The following EXOC6B variants were observed in gnomAD, a reference collection of about 807,000 sequenced individuals.
The protein encoded by EXOC6B is SEC15 homolog B.
EXOC6B carries 54 observed loss-of-function variants against 113.5 expected under a neutral mutation model. The observed-to-expected ratio is 0.48, with a 90% CI of 0.38 to 0.60. The LOEUF is 0.60. Among genes scored for constraint, EXOC6B ranks in the 20% least tolerant of loss-of-function variants. EXOC6B has a pLI of 0.00. For missense variants in EXOC6B, 797 were observed against 977.5 expected (o/e 0.82, Z 2.46); for synonymous variants, 357 against 339.0 (o/e 1.05, Z -0.58).
intron 1 of EXOC6B, among the ~76,000 whole-genome samples, chr2:72,816,880 T>TTC (rs1686277881): frequency 2.0e-5 from 3 of 152,242 alleles, no homozygotes; most frequent in African/African-American, 7.2e-5. Flanking sequence ...AATTGTTGTC[T>TTC]ATTTAACTCA....
At chr2:72,229,351 G>A (rs1681464340) in intron 20 of EXOC6B, among the ~76,000 whole-genome samples, 1 of 152,198 alleles carries the variant, frequency 6.6e-6, no homozygotes, top group South Asian at 2.1e-4. Flanking sequence ...GAAGCAAAGA[G>A]AAGCAGGCGG....
chr2:72,298,638 C>T (rs1404319091), intron 20 of EXOC6B, among the ~76,000 whole-genome samples: 2 of 152,094 alleles, frequency 1.3e-5, no homozygotes, highest in Non-Finnish European at 2.9e-5. Context: ...TGTTCCTTTC[C>T]ATGTTTAGTG....
At chr2:72,311,281 T>C (rs1687169059) in intron 20 of EXOC6B, among the ~76,000 whole-genome samples, 2 of 152,192 alleles carry the variant, frequency 1.3e-5, no homozygotes. Flanking sequence ...CAGGATAAGA[T>C]ATGTTTCCTT....
At chr2:72,434,095 T>G (rs1695711228) in intron 18 of EXOC6B, among the ~76,000 whole-genome samples, 1 of 152,206 alleles carries the variant, frequency 6.6e-6, no homozygotes, top group African/African-American at 2.4e-5. Flanking sequence ...CCTAGCTTAT[T>G]GAGTGTTTTT....
intron 6 of EXOC6B, among the ~76,000 whole-genome samples, chr2:72,649,233 T>C (rs1673978041): frequency 6.6e-6 from 1 of 152,158 alleles, no homozygotes; most frequent in South Asian, 2.1e-4. Flanking sequence ...GGAGTGGGGA[T>C]GGTTAATGGG....
intron 6 of EXOC6B, among the ~76,000 whole-genome samples, chr2:72,609,290 C>G (rs1157201733): frequency 6.6e-6 from 1 of 151,730 alleles, no homozygotes; most frequent in Non-Finnish European, 1.5e-5. Context: ...AATTAGCTGA[C>G]AAAAACTTAA....
intron 20 of EXOC6B, among the ~76,000 whole-genome samples, chr2:72,218,516 A>G (rs1322829900): frequency 6.6e-6 from 1 of 152,130 alleles, no homozygotes; most frequent in Admixed American, 6.5e-5. Context: ...ATTAGTAATG[A>G]TTTATTTCTT....
chr2:72,756,619 A>G (rs1385814411), intron 1 of EXOC6B, among the ~76,000 whole-genome samples: 1 of 152,224 alleles, frequency 6.6e-6, no homozygotes, highest in African/African-American at 2.4e-5. Context: ...AGTAAAAGTA[A>G]GCATTTTTAA....
At chr2:72,670,070 A>T (rs1009713034) in intron 6 of EXOC6B, among the ~76,000 whole-genome samples, 3 of 152,200 alleles carry the variant, frequency 2.0e-5, no homozygotes, top group Admixed American at 1.3e-4. Context: ...AACTCAGAAA[A>T]TTAAGCACCA....
chr2:72,810,380 T>TA (rs1021352592), intron 1 of EXOC6B, among the ~76,000 whole-genome samples: 5 of 142,110 alleles, frequency 3.5e-5, no homozygotes, highest in African/African-American at 1.1e-4. Context: ...AATAAATAAA[T>TA]AAATAAAATA....
chr2:72,460,185 C>A (rs1238679980), intron 18 of EXOC6B, among the ~76,000 whole-genome samples: 3 of 152,090 alleles, frequency 2.0e-5, no homozygotes, highest in African/African-American at 7.2e-5. Context: ...CCCTTCCTTA[C>A]ACCTTATACA....
intron 5 of EXOC6B, among the ~76,000 whole-genome samples, chr2:72,723,502 A>C (rs981461175): frequency 2.6e-5 from 4 of 152,190 alleles, no homozygotes; most frequent in Non-Finnish European, 5.9e-5. Flanking sequence ...GGTTTCTAAA[A>C]TTCTAGGAAG....
intron 1 of EXOC6B, among the ~76,000 whole-genome samples, chr2:72,746,835 C>G (rs1257291894): frequency 6.6e-6 from 1 of 151,956 alleles, no homozygotes; most frequent in Non-Finnish European, 1.5e-5. Context: ...TCTCTTTGAA[C>G]AAGGAAAGCA....
intron 20 of EXOC6B, among the ~76,000 whole-genome samples, chr2:72,228,500 G>A (rs1452968376): frequency 6.7e-6 from 1 of 148,948 alleles, no homozygotes; most frequent in Non-Finnish European, 1.5e-5. Context: ...TCCCACCTAT[G>A]AGTGAGAACA....
chr2:72,383,436 C>A (rs557427382), intron 18 of EXOC6B, among the ~76,000 whole-genome samples: 6 of 151,730 alleles, frequency 4.0e-5, no homozygotes, highest in South Asian at 2.1e-4. Flanking sequence ...CAAATCAAAA[C>A]CAAAAGGAGA....
At chr2:72,709,043 T>G (rs1464361490) in intron 6 of EXOC6B, among the ~76,000 whole-genome samples, 1 of 150,926 alleles carries the variant, frequency 6.6e-6, no homozygotes, top group Non-Finnish European at 1.5e-5. Flanking sequence ...AAGTACAGCT[T>G]ATAATTAAAA....
chr2:72,267,696 A>G (rs1684221611), intron 20 of EXOC6B, among the ~76,000 whole-genome samples: 1 of 152,172 alleles, frequency 6.6e-6, no homozygotes, highest in Non-Finnish European at 1.5e-5. Flanking sequence ...ATGTTCATCA[A>G]GGATATTGGT....
At chr2:72,779,759 A>G (rs4597553) in intron 1 of EXOC6B, among the ~76,000 whole-genome samples, 41,829 of 152,002 alleles carry the variant, frequency 0.28, 7,454 homozygotes, top group African/African-American at 0.5. Context: ...TCATTTTCCT[A>G]AGATTATAAT....
chr2:72,612,251 G>A (rs912913965), intron 6 of EXOC6B, among the ~76,000 whole-genome samples: 3 of 151,972 alleles, frequency 2.0e-5, no homozygotes, highest in Admixed American at 1.3e-4. Context: ...CTCCAGCCTG[G>A]GCAACAGAGC....
Sources: gnomAD v4.1 joint callset for allele counts (sites outside exome capture counted in the v4.1 genomes callset) on GRCh38, gnomAD v4.1.1 for gene constraint, MANE v1.5 for transcripts, NCBI Gene and HGNC (gene_info 2026-07-23, HGNC 2026-07-21) for gene names.